GALNT17: variants seen among roughly 807,000 people sequenced by gnomAD.
GALNT17 encodes UDP-GalNAc:polypeptide N-acetylgalactosaminyltransferase-like 3.
A neutral mutation model predicts 63.7 loss-of-function variants in GALNT17; 29 were observed. The observed-to-expected ratio is 0.46, with a 90% CI of 0.34 to 0.62. The LOEUF (loss-of-function observed/expected upper bound fraction) is 0.62, where lower values mean the gene tolerates loss of function less well. Ranked by LOEUF, GALNT17 falls within the 20% of genes least tolerant of loss-of-function variation. The probability of loss-of-function intolerance (pLI) is 0.01; values close to 1 mark genes in which losing one functional copy is unlikely to be tolerated. For missense variants in GALNT17, 603 were observed against 799.6 expected, an observed-to-expected ratio of 0.75 and a Z score of 2.97; for synonymous variants, 305 against 318.3, an observed-to-expected ratio of 0.96 and a Z score of 0.45.
chr7:71,519,936 AAGAG>A (rs1241636608), intron 5 of GALNT17, among the ~76,000 whole-genome samples: 1 of 152,224 alleles, frequency 6.6e-6, no homozygotes, highest in Non-Finnish European at 1.5e-5. Flanking sequence ...ATAAAATAAT[AAGAG>A]AGAAAGAAGG....
At chr7:71,215,599 G>A (rs897794948) in intron 1 of GALNT17, among the ~76,000 whole-genome samples, 1 of 151,734 alleles carries the variant, frequency 6.6e-6, no homozygotes, top group African/African-American at 2.4e-5. Context: ...AATCTTTTTC[G>A]CTCCCACCCC....
rs747726741 is a variant in GALNT17, at chr7:71,318,411, C to CTTTT, written c.239-17132_239-17129dup. Reference sequence around the variant, plus strand: ...CTTCCTACGACCATTCCCTGAAGCTCTTTTTTTTTTGTGTGTGTGTGGGGG... The same window carrying CTTTT: ...CTTCCTACGACCATTCCCTGAAGCTCTTTTTTTTTTTTTTGTGTGTGTGTGGGGG... On this transcript the variant is annotated intron_variant, in intron 1 of 10. Transcript: ENST00000333538. Among the ~76,000 whole-genome samples the CTTTT allele has an allele frequency of 7.2e-4, 97 of 134,440 alleles. 3 individuals carry two copies. The highest frequency in any genetic ancestry group is 1.1e-3 in the African/African-American group (38 of 35,112). 88.2% of individuals were successfully genotyped at this position (134,440 alleles called of 152,430 possible).
chr7:71,484,224 A>G (rs1261434926), intron 5 of GALNT17, among the ~76,000 whole-genome samples: 1 of 152,228 alleles, frequency 6.6e-6, no homozygotes, highest in Non-Finnish European at 1.5e-5. Context: ...GCGGTGGCTC[A>G]TGCCTATAAT....
intron 1 of GALNT17, among the ~76,000 whole-genome samples, chr7:71,278,216 A>C (rs1790716266): frequency 1.3e-5 from 2 of 152,226 alleles, no homozygotes; most frequent in African/African-American, 4.8e-5. Context: ...CCTTCTTTAC[A>C]GATGAGCAAA....
At chr7:71,674,704 G>T (rs615130) in intron 8 of GALNT17, among the ~76,000 whole-genome samples, 118,415 of 151,958 alleles carry the variant, frequency 0.78, 48,059 homozygotes, top group Non-Finnish European at 0.9. Context: ...TTTTGTGAAG[G>T]TGGGGTCTCA....
chr7:71,527,245 A>T (rs1788639302), intron 5 of GALNT17, among the ~76,000 whole-genome samples: 1 of 152,250 alleles, frequency 6.6e-6, no homozygotes, highest in Non-Finnish European at 1.5e-5. Flanking sequence ...GTTCAGCATG[A>T]TATATAAAAA....
chr7:71,261,960 G>A (rs571023006), intron 1 of GALNT17, among the ~76,000 whole-genome samples: 74 of 152,100 alleles, frequency 4.9e-4, no homozygotes, highest in Non-Finnish European at 9.4e-4. Flanking sequence ...CTCTTCCCGG[G>A]AGCCGTGAGC....
chr7:71,695,636 A>G (rs1791528654), intron 9 of GALNT17, among the ~76,000 whole-genome samples: 1 of 152,120 alleles, frequency 6.6e-6, no homozygotes, highest in South Asian at 2.1e-4. Flanking sequence ...GATTCAGAAC[A>G]TTTCCATCTC....
intron 1 of GALNT17, among the ~76,000 whole-genome samples, chr7:71,266,694 G>A (rs1031330869): frequency 1.3e-5 from 2 of 152,128 alleles, no homozygotes; most frequent in Non-Finnish European, 2.9e-5. Context: ...ATATCTATAG[G>A]GGGTCATGAT....
chr7:71,138,491 T>A (rs973322431), intron 1 of GALNT17, among the ~76,000 whole-genome samples: 1 of 152,182 alleles, frequency 6.6e-6, no homozygotes, highest in Non-Finnish European at 1.5e-5. Context: ...AAAATCTATG[T>A]ACAGGTGGAC....
chr7:71,224,777 C>T (rs750810737), intron 1 of GALNT17, among the ~76,000 whole-genome samples: 1 of 152,090 alleles, frequency 6.6e-6, no homozygotes, highest in Non-Finnish European at 1.5e-5. Context: ...GCTATGAGAG[C>T]CCCAGGTGGA....
chr7:71,300,441 T>C (rs1791174145), intron 1 of GALNT17: 1 of 456,146 alleles, frequency 2.2e-6, no homozygotes, highest in Non-Finnish European at 4.4e-6. Context: ...CTGAAATGGC[T>C]GATCTTTTCA....
intron 1 of GALNT17, among the ~76,000 whole-genome samples, chr7:71,324,732 T>C (rs1266858260): frequency 1.4e-5 from 2 of 146,358 alleles, no homozygotes; most frequent in African/African-American, 5.1e-5. Flanking sequence ...TTAATGTATA[T>C]ATGAATTTAA....
intron 5 of GALNT17, among the ~76,000 whole-genome samples, chr7:71,543,837 G>C (rs745733609): frequency 1.4e-5 from 2 of 146,484 alleles, no homozygotes; most frequent in Non-Finnish European, 3.0e-5. Context: ...CTGTTGCCCA[G>C]GCTAGAGTGC....
chr7:71,445,653 G>A (rs934488703), intron 5 of GALNT17, among the ~76,000 whole-genome samples: 3 of 152,182 alleles, frequency 2.0e-5, no homozygotes, highest in Non-Finnish European at 4.4e-5. Context: ...TGTAAAATAG[G>A]CTGATTGCTG....
At chr7:71,469,350 A>G (rs1351101731) in intron 5 of GALNT17, among the ~76,000 whole-genome samples, 1 of 152,242 alleles carries the variant, frequency 6.6e-6, no homozygotes, top group Non-Finnish European at 1.5e-5. Flanking sequence ...AATTAACAGT[A>G]TTCCTGTGGC....
intron 1 of GALNT17, among the ~76,000 whole-genome samples, chr7:71,331,432 G>A (rs1442517183): frequency 6.6e-6 from 1 of 152,142 alleles, no homozygotes; most frequent in African/African-American, 2.4e-5. Flanking sequence ...ATTTGGCCAG[G>A]TGTGGTGGCT....
intron 9 of GALNT17, among the ~76,000 whole-genome samples, chr7:71,693,293 C>CAT (rs1458750955): frequency 8.3e-6 from 1 of 121,014 alleles, no homozygotes; most frequent in African/African-American, 3.3e-5. Context: ...CACACACACA[C>CAT]ACACACACAC....
chr7:71,219,107 C>T (rs1170558135), intron 1 of GALNT17, among the ~76,000 whole-genome samples: 1 of 152,120 alleles, frequency 6.6e-6, no homozygotes, highest in Non-Finnish European at 1.5e-5. Context: ...TCAGATGTCC[C>T]ATCTCATATG....
Sources: allele counts gnomAD v4.1 joint callset (sites outside exome capture counted in the v4.1 genomes callset), GRCh38; gene constraint gnomAD v4.1.1; transcripts MANE v1.5; gene names NCBI Gene and HGNC (gene_info 2026-07-23, HGNC 2026-07-21).